The following MLLT3 variants were observed in gnomAD, a reference collection of about 807,000 sequenced individuals.
MLLT3 encodes MLLT3 super elongation complex subunit, also known as protein AF-9.
A neutral mutation model predicts 53.2 loss-of-function variants in MLLT3; 4 were observed. That is an observed-to-expected ratio of 0.08 (90% confidence interval 0.04 to 0.17). The LOEUF is 0.17. MLLT3 is among the 10% of genes least tolerant of loss of function. The pLI is 1.00. For missense variants in MLLT3, 569 were observed against 684.0 expected (o/e 0.83, Z 1.87); for synonymous variants, 283 against 230.6 (o/e 1.23, Z -2.06).
rs1430552659 is a variant in MLLT3 at position 20,343,930 on chromosome 9, T to C, written c.*2513A>G. ...TAATTCAAAGGGATCTTTTTATTTCTGTATTTAAAAATTAGATGAGAGCAA... is the reference window on the plus strand; with the variant it reads ...TAATTCAAAGGGATCTTTTTATTTCCGTATTTAAAAATTAGATGAGAGCAA... On this transcript the variant is annotated 3_prime_UTR_variant, in exon 11 of 11. Coordinates refer to ENST00000380338, the MANE Select transcript of MLLT3 (RefSeq NM_004529.4). 1 of 203,292 alleles carries C rather than the reference T, an allele frequency of 4.9e-6. No homozygotes were observed. The highest frequency in any genetic ancestry group is 2.3e-5 in the African/African-American group (1 of 43,722). 12.6% of individuals were successfully genotyped at this position (203,292 alleles called of 1,614,324 possible). A position where few individuals can be genotyped will look rare whatever the true frequency, so the allele number is the denominator to read the frequency against.
chr9:20,354,934 A>C (rs538753191), intron 8 of MLLT3, 55 bp from the exon 9 acceptor site: 1 of 1,276,236 alleles, frequency 7.8e-7, no homozygotes, highest in Non-Finnish European at 1.1e-6. Context: ...CTCTTAGCTA[A>C]CCAGCCACCT....
chr9:20,605,446 TAA>T (rs1820538731), intron 2 of MLLT3, among the ~76,000 whole-genome samples: 1 of 152,004 alleles, frequency 6.6e-6, no homozygotes, highest in Non-Finnish European at 1.5e-5. Flanking sequence ...GTAATTTAAA[TAA>T]GTGACCCAAC....
intron 2 of MLLT3, among the ~76,000 whole-genome samples, chr9:20,570,764 A>T (rs115617805): frequency 3.5e-3 from 501 of 144,884 alleles, no homozygotes; most frequent in African/African-American, 0.014. Flanking sequence ...CTTCTTTAAA[A>T]AGCAACCCAA....
At chr9:20,553,060 C>G (rs912377899) in intron 2 of MLLT3, among the ~76,000 whole-genome samples, 1 of 152,182 alleles carries the variant, frequency 6.6e-6, no homozygotes, top group African/African-American at 2.4e-5. Context: ...AGAATCTGAT[C>G]TTTTATTATG....
chr9:20,479,845 T>C (rs1414487405), intron 2 of MLLT3, among the ~76,000 whole-genome samples: 1 of 152,222 alleles, frequency 6.6e-6, no homozygotes, highest in East Asian at 1.9e-4. Flanking sequence ...AGGGAAATAA[T>C]GCATCACAAT....
intron 2 of MLLT3, among the ~76,000 whole-genome samples, chr9:20,601,117 C>T (rs561654739): frequency 3.9e-4 from 58 of 147,052 alleles, no homozygotes; most frequent in Non-Finnish European, 4.8e-4. Flanking sequence ...CATTTGACAA[C>T]GTCAAAACGT....
rs773196575 is a variant in MLLT3, at chr9:20,433,958, C to CAAA, written c.420+14162_420+14164dup. Among the ~76,000 whole-genome samples, 15 of 133,878 alleles carry CAAA rather than the reference C, an allele frequency of 1.1e-4. No homozygotes were observed. The East Asian group carries it at 2.6e-3, about 23-fold the overall frequency. 87.8% of individuals were successfully genotyped at this position (133,878 alleles called of 152,430 possible). A position where few individuals can be genotyped will look rare whatever the true frequency, so the allele number is the denominator to read the frequency against. ...TGAAACCCTGTCTCTACTAAAAATACAAAAAAAAAAAAATTAGCTGGGTAT... is the reference window on the plus strand; with the variant it reads ...TGAAACCCTGTCTCTACTAAAAATACAAAAAAAAAAAAAAAATTAGCTGGGTAT... On this transcript the variant is annotated intron_variant, in intron 4 of 10. Transcript: ENST00000380338.
chr9:20,554,979 A>G (rs1380060575), intron 2 of MLLT3, among the ~76,000 whole-genome samples: 1 of 152,218 alleles, frequency 6.6e-6, no homozygotes, highest in Non-Finnish European at 1.5e-5. Flanking sequence ...AAGAAACAAT[A>G]ATTTTAATCT....
intron 2 of MLLT3, among the ~76,000 whole-genome samples, chr9:20,535,068 G>A (rs943914148): frequency 6.6e-5 from 10 of 152,180 alleles, no homozygotes; most frequent in Non-Finnish European, 1.5e-4. Flanking sequence ...TACTGGTACT[G>A]TTAGGAACCC....
chr9:20,449,190 C>A (rs2118848313), intron 3 of MLLT3, among the ~76,000 whole-genome samples: 1 of 152,276 alleles, frequency 6.6e-6, no homozygotes, highest in Non-Finnish European at 1.5e-5. Context: ...CTTATTATCA[C>A]CATTTACCCT....
chr9:20,511,988 G>C (rs1587009758), intron 2 of MLLT3, among the ~76,000 whole-genome samples: 1 of 152,280 alleles, frequency 6.6e-6, no homozygotes, highest in East Asian at 1.9e-4. Context: ...CTGAGTAGGA[G>C]AGGCATAAAG....
chr9:20,557,710 G>T (rs769321334), intron 2 of MLLT3, among the ~76,000 whole-genome samples: 3 of 152,202 alleles, frequency 2.0e-5, no homozygotes, highest in Admixed American at 6.5e-5. Flanking sequence ...TAAAAACTCT[G>T]TGTAAATCAA....
chr9:20,497,260 C>T (rs1032946587), intron 2 of MLLT3, among the ~76,000 whole-genome samples: 1 of 152,162 alleles, frequency 6.6e-6, no homozygotes, highest in East Asian at 1.9e-4. Context: ...TATAACTTTT[C>T]AATGTTCTTT....
chr9:20,406,085 C>T (rs1463372326), intron 5 of MLLT3, among the ~76,000 whole-genome samples: 1 of 151,674 alleles, frequency 6.6e-6, no homozygotes, highest in Non-Finnish European at 1.5e-5. Context: ...ACACTCCAGC[C>T]TGGATAACAG....
chr9:20,572,959 G>C (rs181999756), intron 2 of MLLT3, among the ~76,000 whole-genome samples: 1 of 152,178 alleles, frequency 6.6e-6, no homozygotes, highest in Admixed American at 6.5e-5. Context: ...CATAGATATA[G>C]TTTCTCCTTC....
intron 2 of MLLT3, among the ~76,000 whole-genome samples, chr9:20,565,934 A>ATT (rs1167552271): frequency 6.8e-5 from 1 of 14,652 alleles, no homozygotes; most frequent in African/African-American, 3.0e-4. Flanking sequence ...ATATATATAT[A>ATT]TATTTATATA....
chr9:20,594,534 G>T (rs1820204828), intron 2 of MLLT3, among the ~76,000 whole-genome samples: 1 of 152,138 alleles, frequency 6.6e-6, no homozygotes, highest in Admixed American at 6.5e-5. Flanking sequence ...TTGAATAGGG[G>T]CTGGGTAAAA....
intron 2 of MLLT3, among the ~76,000 whole-genome samples, chr9:20,483,809 G>A (rs984051202): frequency 7.2e-6 from 1 of 138,758 alleles, no homozygotes; most frequent in African/African-American, 2.7e-5. Context: ...CCGAGTTCAC[G>A]CCATTCTCCT....
chr9:20,540,143 T>C (rs901882028), intron 2 of MLLT3, among the ~76,000 whole-genome samples: 1 of 152,208 alleles, frequency 6.6e-6, no homozygotes, highest in Admixed American at 6.5e-5. Context: ...CTTGGGCAGC[T>C]CTGCCCCTGT....
Sources: gnomAD v4.1 joint callset for allele counts (sites outside exome capture counted in the v4.1 genomes callset) on GRCh38, gnomAD v4.1.1 for gene constraint, MANE v1.5 for transcripts, NCBI Gene and HGNC (gene_info 2026-07-23, HGNC 2026-07-21) for gene names.